EVL: variants seen among roughly 807,000 people sequenced by gnomAD.
The protein encoded by EVL is ena/VASP-like protein.
Under a neutral mutation model 59.6 loss-of-function variants are expected in EVL, and 21 were observed. That is an observed-to-expected ratio of 0.35 (90% CI 0.25 to 0.51). EVL has a LOEUF of 0.51. Among genes scored for constraint, EVL ranks in the 20% least tolerant of loss-of-function variants. EVL has a pLI of 0.97. For missense variants in EVL, 462 were observed against 546.6 expected, an observed-to-expected ratio of 0.85 and a Z score of 1.54; for synonymous variants, 198 against 203.5, an observed-to-expected ratio of 0.97 and a Z score of 0.23.
rs775219255 is a variant in EVL, at chr14:100,109,786, C to T, written c.358+12128C>T. ...CCCAAACAGAGGAACACGCCTTCTCCAGCCACAGCCTATGGAAGGGCCTTC... is the reference window on the plus strand; with the variant it reads ...CCCAAACAGAGGAACACGCCTTCTCTAGCCACAGCCTATGGAAGGGCCTTC... On this transcript the variant is annotated intron_variant, in intron 3 of 13. Transcript: ENST00000392920. This position sits in a 1 kb window ranked among gnomAD's most constrained non-coding sequence, Gnocchi z 4.3. 1 of 494,128 alleles carries T rather than the reference C, an allele frequency of 2.0e-6. No individual in the cohort carries two copies. Among genetic ancestry groups the T allele is most frequent in the Admixed American group, 2.1e-5 (1 of 47,706 alleles). The allele number at this position is 494,128 out of a possible 1,614,324, so 30.6% of individuals were successfully genotyped here. A position where few individuals can be genotyped will look rare whatever the true frequency, so the allele number is the denominator to read the frequency against.
rs1395457515 is a variant in EVL, at chr14:100,130,989, C to T, written c.839+1305C>T. On this transcript the variant is annotated intron_variant, in intron 7 of 13. Transcript: ENST00000392920. The surrounding 1 kb of genome is among the most constrained non-coding windows in gnomAD (Gnocchi z 4.8). ...GAGAGAGCCGGGAGGGCTCGCAGAA[C>T]GATGAGGACGTCCCGTGCTGTAAGA... Among the ~76,000 whole-genome samples the T allele has an allele frequency of 6.6e-6, 1 of 152,152 alleles. No individual in the cohort carries two copies. Among genetic ancestry groups the T allele is most frequent in the Non-Finnish European group, 1.5e-5 (1 of 68,034 alleles).
intron 1 of EVL, among the ~76,000 whole-genome samples, chr14:100,072,704 C>T (rs895319135): frequency 2.6e-5 from 4 of 152,218 alleles, no homozygotes; most frequent in Non-Finnish European, 5.9e-5. Context: ...ACAGAGATAA[C>T]TCACATGTGG....
chr14:100,051,072 GT>G (rs2061640400), intron 1 of EVL, among the ~76,000 whole-genome samples: 1 of 152,070 alleles, frequency 6.6e-6, no homozygotes. Flanking sequence ...GCATACAGTA[GT>G]TCCCCCTGCC....
chr14:100,032,034 C>T (rs2061322368), intron 1 of EVL, among the ~76,000 whole-genome samples: 1 of 152,212 alleles, frequency 6.6e-6, no homozygotes, highest in South Asian at 2.1e-4. Flanking sequence ...CTAGATCAGA[C>T]AACTGTGTAT....
chr14:100,121,407 G>GCTGGGC (rs1254646516), intron 3 of EVL, among the ~76,000 whole-genome samples: 1 of 152,200 alleles, frequency 6.6e-6, no homozygotes, highest in African/African-American at 2.4e-5. Flanking sequence ...CCTGCGCCTT[G>GCTGGGC]CTGGGCCTTA....
chr14:100,111,148 A>ATTTTTTTTTTTTTTTTTTTT (rs35367426), intron 3 of EVL, among the ~76,000 whole-genome samples: 1 of 86,798 alleles, frequency 1.2e-5, no homozygotes, highest in Admixed American at 1.5e-4. Flanking sequence ...TAGTGTCCTC[A>ATTTTTTTTTTTTTTTTTTTT]TTTTTTTTTT....
intron 1 of EVL, among the ~76,000 whole-genome samples, chr14:99,980,777 A>G (rs1198836836): frequency 6.6e-6 from 1 of 152,170 alleles, no homozygotes; most frequent in Non-Finnish European, 1.5e-5. Flanking sequence ...GGCCTATGCC[A>G]TTACCATATT....
chr14:100,062,234 ATAT>A (rs2061848811), upstream of EVL, among the ~76,000 whole-genome samples: 1 of 151,860 alleles, frequency 6.6e-6, no homozygotes, highest in African/African-American at 2.4e-5. Flanking sequence ...ATATATATAT[ATAT>A]GACTGTCCAA....
intron 1 of EVL, among the ~76,000 whole-genome samples, chr14:99,978,543 C>G (rs1354700139): frequency 6.6e-6 from 1 of 152,052 alleles, no homozygotes; most frequent in Non-Finnish European, 1.5e-5. Flanking sequence ...ACCTGGTTCT[C>G]CATTGCAGAC....
At chr14:99,999,631 A>T (rs2060933729) in intron 1 of EVL, among the ~76,000 whole-genome samples, 2 of 152,192 alleles carry the variant, frequency 1.3e-5, no homozygotes, top group Admixed American at 6.5e-5. Context: ...CCTGTCTCTA[A>T]CACTTTTTAA....
chr14:100,067,813 G>A (rs767365328), intron 1 of EVL, among the ~76,000 whole-genome samples: 9 of 152,166 alleles, frequency 5.9e-5, no homozygotes, highest in African/African-American at 2.2e-4. Context: ...ATGAGGAGGC[G>A]ACTGGCTGTG....
At chr14:100,010,981 A>G (rs2061013744) in intron 1 of EVL, among the ~76,000 whole-genome samples, 1 of 152,240 alleles carries the variant, frequency 6.6e-6, no homozygotes, top group East Asian at 1.9e-4. Flanking sequence ...GCCCTCCTCA[A>G]CTTTGGATTT....
intron 1 of EVL, among the ~76,000 whole-genome samples, chr14:99,979,682 A>G (rs1395694207): frequency 6.6e-6 from 1 of 152,090 alleles, no homozygotes; most frequent in Non-Finnish European, 1.5e-5. Flanking sequence ...ATCCTGGCTA[A>G]TATGGTGAAA....
chr14:100,057,148 C>CACAG (rs1306626390), intron 1 of EVL, among the ~76,000 whole-genome samples: 2 of 152,150 alleles, frequency 1.3e-5, no homozygotes, highest in Non-Finnish European at 2.9e-5. Context: ...GTTTACAAGG[C>CACAG]ACAGGAGCCT....
chr14:100,047,115 TC>T (rs1171296105), intron 1 of EVL, among the ~76,000 whole-genome samples: 675 of 14,412 alleles, frequency 0.047, 109 homozygotes, highest in African/African-American at 0.1. Flanking sequence ...CAGATCTCTC[TC>T]TCTTTTTTTT....
In EVL at chr14:100,137,745, C is replaced by T. The variant is rs773230379; in HGVS notation, c.1037C>T (p.Pro346Leu). ...GTTTCATTCCATTGCCGTAGAACCC[C>T]GTCTGTGGCAAAGAGCCCCGAAGCT... ...KPVSSILSRTPSVAKSPEAKS... is the reference protein window; with the variant it reads ...KPVSSILSRTLSVAKSPEAKS... Residue 346 changes from proline (P) to leucine (L), a missense_variant, in exon 11 of 14, where the codon CCG becomes CTG. Pro to Leu is a moderately conservative substitution (Grantham distance 98). Coordinates refer to ENST00000392920, the MANE Select transcript of EVL (RefSeq NM_016337.3). The T allele has an allele frequency of 1.4e-5, 22 of 1,614,108 alleles. No individual in the cohort carries two copies. The highest frequency in any genetic ancestry group is 1.7e-5 in the Non-Finnish European group (20 of 1,180,010).
intron 3 of EVL, among the ~76,000 whole-genome samples, chr14:100,111,252 G>A (rs1244661280): frequency 6.7e-6 from 1 of 149,416 alleles, no homozygotes; most frequent in Non-Finnish European, 1.5e-5. Context: ...TGCCTCCCAG[G>A]TTCAAGCGAT....
At chr14:100,086,036 G>C (rs2062435008) in intron 2 of EVL, among the ~76,000 whole-genome samples, 1 of 152,200 alleles carries the variant, frequency 6.6e-6, no homozygotes, top group Non-Finnish European at 1.5e-5. Flanking sequence ...GGCTGAGGCA[G>C]GAGAATGGCG....
chr14:100,102,492 G>A, intron 3 of EVL: 1 of 401,104 alleles, frequency 2.5e-6, no homozygotes, highest in Non-Finnish European at 5.0e-6. Flanking sequence ...TCATTCCTTG[G>A]ACCTTTCCTT....
Sources: gnomAD v4.1 joint callset for allele counts (sites outside exome capture counted in the v4.1 genomes callset) on GRCh38, gnomAD v4.1.1 for gene constraint, Gnocchi (gnomAD v3.1) non-coding constraint, MANE v1.5 for transcripts, NCBI Gene and HGNC (gene_info 2026-07-23, HGNC 2026-07-21) for gene names.